BPIFC: variants seen among roughly 807,000 people sequenced by gnomAD.
BPIFC encodes the protein BPI fold-containing family C protein.
A neutral mutation model predicts 57.6 loss-of-function variants in BPIFC; 60 were observed. That is an observed-to-expected ratio of 1.04 (90% CI 0.85 to 1.29). The LOEUF is 1.29. BPIFC is among the 50% of genes most tolerant of loss of function. The pLI is 0.00. For synonymous variants in BPIFC, 243 were observed against 224.5 expected (o/e 1.08, Z -0.74); for missense variants, 581 against 600.5 (o/e 0.97, Z 0.34).
chr22:32,424,818 G>T (rs1934018734), intron 13 of BPIFC, among the ~76,000 whole-genome samples: 1 of 143,226 alleles, frequency 7.0e-6, no homozygotes, highest in South Asian at 2.2e-4. Flanking sequence ...TTTTGCTCTT[G>T]TCGCCCAGGC....
intron 9 of BPIFC, among the ~76,000 whole-genome samples, chr22:32,436,391 G>A (rs146944101): frequency 0.41 from 40,319 of 98,220 alleles, 6,649 homozygotes; most frequent in South Asian, 0.53. Context: ...AGGAGGAGGA[G>A]GAAGAGGAGG....
chr22:32,445,572 A>G, intron 7 of BPIFC, 63 bp downstream of exon 7: 1 of 1,416,394 alleles, frequency 7.1e-7, no homozygotes. Context: ...AGAATTAATT[A>G]AAGGATGATA....
intron 2 of BPIFC, among the ~76,000 whole-genome samples, chr22:32,458,450 A>C (rs941146126): frequency 2.1e-4 from 32 of 152,036 alleles, no homozygotes; most frequent in Admixed American, 2.0e-3. Context: ...TTATGACTCC[A>C]CCATTGCTTT....
At chr22:32,436,790 C>T (rs1359052003) in intron 9 of BPIFC, among the ~76,000 whole-genome samples, 1 of 152,180 alleles carries the variant, frequency 6.6e-6, no homozygotes, top group Non-Finnish European at 1.5e-5. Context: ...AGAAAGAAGA[C>T]CCAAGACTCC....
At chr22:32,433,651 A>G (rs1482719373) in intron 11 of BPIFC, 68 bp downstream of exon 11, 2 of 1,416,818 alleles carry the variant, frequency 1.4e-6, no homozygotes, top group African/African-American at 1.4e-5. Context: ...CGTAGAACCC[A>G]CAAGTCTTCC....
intron 13 of BPIFC, among the ~76,000 whole-genome samples, chr22:32,420,548 T>C (rs1292379566): frequency 6.6e-6 from 1 of 152,220 alleles, no homozygotes; most frequent in African/African-American, 2.4e-5. Context: ...AGGTACAGTA[T>C]AATTGTTAGT....
At chr22:32,416,024 G>C (rs530036846) in intron 15 of BPIFC, 33 bp from the exon 16 acceptor site, 1 of 1,426,272 alleles carries the variant, frequency 7.0e-7, no homozygotes, top group East Asian at 2.6e-5. Context: ...AAACAATTGG[G>C]CACAAGCACA....
intron 10 of BPIFC, 114 bp downstream of exon 10, chr22:32,435,590 G>T: frequency 9.4e-7 from 1 of 1,061,990 alleles, no homozygotes; most frequent in East Asian, 2.5e-5. Flanking sequence ...TGCTGGGAGT[G>T]ATAGCCTAAA....
chr22:32,448,130 A>G (rs1934782148), intron 4 of BPIFC, among the ~76,000 whole-genome samples: 1 of 150,202 alleles, frequency 6.7e-6, no homozygotes, highest in Non-Finnish European at 1.5e-5. Context: ...GTGCAGTGGC[A>G]CGATCTCAGC....
At chr22:32,440,246 C>T (rs1401394295) in intron 8 of BPIFC, among the ~76,000 whole-genome samples, 1 of 152,170 alleles carries the variant, frequency 6.6e-6, no homozygotes, top group African/African-American at 2.4e-5. Flanking sequence ...AGTAATCCTC[C>T]TACCTCAGCC....
intron 12 of BPIFC, 98 bp downstream of exon 12, chr22:32,432,274 TC>T (rs1934267445): frequency 1.5e-6 from 2 of 1,317,680 alleles, no homozygotes; most frequent in Non-Finnish European, 2.1e-6. Context: ...CAATGTAGCA[TC>T]CCCACCCTCT....
intron 13 of BPIFC, 145 bp downstream of exon 13, chr22:32,431,202 C>T (rs1934230191): frequency 1.7e-6 from 1 of 597,230 alleles, no homozygotes; most frequent in Non-Finnish European, 2.9e-6. Flanking sequence ...CAACCTCTGC[C>T]TCCCGGGTTC....
chr22:32,454,373 G>T (rs141577447), intron 3 of BPIFC, among the ~76,000 whole-genome samples: 82 of 152,260 alleles, frequency 5.4e-4, no homozygotes, highest in African/African-American at 1.9e-3. Context: ...TTTTTGAAGG[G>T]AGAGAATCTA....
chr22:32,414,505 T>G (rs1933613614), intron 16 of BPIFC, 80 bp from the exon 17 acceptor site: 7 of 1,499,450 alleles, frequency 4.7e-6, no homozygotes, highest in Non-Finnish European at 6.3e-6. Flanking sequence ...AAGAGATGGC[T>G]TCTTTTTTTT....
intron 15 of BPIFC, 128 bp downstream of exon 15, chr22:32,416,957 G>T: frequency 1.1e-6 from 1 of 911,898 alleles, no homozygotes; most frequent in Non-Finnish European, 1.8e-6. Context: ...CGCTGGCCTG[G>T]ATTCATGATA....
At chr22:32,424,641 T>C (rs1174075769) in intron 13 of BPIFC, among the ~76,000 whole-genome samples, 2,576 of 34,916 alleles carry the variant, frequency 0.074, 407 homozygotes, top group East Asian at 0.23. Flanking sequence ...TTCTTCTTCT[T>C]CTCTTCTTCT....
At chr22:32,418,075 A>G (rs1423450706) in intron 14 of BPIFC, among the ~76,000 whole-genome samples, 2 of 152,142 alleles carry the variant, frequency 1.3e-5, no homozygotes, top group Non-Finnish European at 2.9e-5. Flanking sequence ...TAAATATGAA[A>G]ACACAGAAGT....
At chr22:32,443,055 C>T (rs1934609817) in intron 7 of BPIFC, among the ~76,000 whole-genome samples, 1 of 152,172 alleles carries the variant, frequency 6.6e-6, no homozygotes. Context: ...ACCCGAGGAA[C>T]CTGCTGCTGG....
chr22:32,437,420 T>G (rs769542386), intron 9 of BPIFC, among the ~76,000 whole-genome samples: 5 of 152,226 alleles, frequency 3.3e-5, no homozygotes, highest in Admixed American at 6.5e-5. Flanking sequence ...AGATAGAGTC[T>G]TGCTCTGTCA....
Sources: allele counts gnomAD v4.1 joint callset (sites outside exome capture counted in the v4.1 genomes callset), GRCh38; gene constraint gnomAD v4.1.1; transcripts MANE v1.5; gene names NCBI Gene and HGNC (gene_info 2026-07-23, HGNC 2026-07-21).